CTNNA2: variants seen among roughly 807,000 people sequenced by gnomAD.
CTNNA2 encodes the protein catenin alpha-2.
CTNNA2 carries 42 observed loss-of-function variants against 101.0 expected under a neutral mutation model. The observed-to-expected ratio is 0.42, with a 90% CI of 0.32 to 0.54. The LOEUF (loss-of-function observed/expected upper bound fraction) is 0.54. CTNNA2 is among the 20% of genes least tolerant of loss of function. CTNNA2 has a pLI of 0.14. For missense variants in CTNNA2, 871 were observed against 1,223.1 expected (o/e 0.71, Z 4.29); for synonymous variants, 450 against 456.4 (o/e 0.99, Z 0.18).
intron 3 of CTNNA2, among the ~76,000 whole-genome samples, chr2:79,761,430 A>C (rs1672781536): frequency 6.6e-6 from 1 of 152,196 alleles, no homozygotes. Flanking sequence ...ATATTATTGA[A>C]ATATTTTTAG....
chr2:80,588,456 C>A lies in CTNNA2; in HGVS notation c.2008-848C>A, dbSNP rs190597594. Among the ~76,000 whole-genome samples, 367 of 152,274 alleles carry A rather than the reference C, an allele frequency of 2.4e-3. 8 individuals carry two copies. Among genetic ancestry groups the A allele is most frequent in the East Asian group, 2.7e-3 (14 of 5,180 alleles). The stretch of plus-strand genomic sequence containing the variant: ...CACGCAACTCAATTTTTTTGCTGCT[C>A]TGCCCACATTTGCAAATGACCACGA... On this transcript the variant is annotated intron_variant, in intron 14 of 18. Coordinates refer to ENST00000402739, the MANE Select transcript of CTNNA2 (RefSeq NM_001282597.3).
intron 14 of CTNNA2, among the ~76,000 whole-genome samples, chr2:80,584,370 AT>A (rs1695792277): frequency 7.0e-6 from 1 of 142,060 alleles, no homozygotes; most frequent in African/African-American, 2.6e-5. Context: ...TATTTCAAAA[AT>A]GTCCTTTATA....
chr2:79,617,969 G>A (rs750040209), intron 1 of CTNNA2, among the ~76,000 whole-genome samples: 9 of 152,268 alleles, frequency 5.9e-5, no homozygotes, highest in Non-Finnish European at 1.0e-4. Flanking sequence ...AACCAGAGAC[G>A]AAAACCTCCA....
At chr2:80,074,878 G>A (rs1475415373) in intron 7 of CTNNA2, among the ~76,000 whole-genome samples, 1 of 152,076 alleles carries the variant, frequency 6.6e-6, no homozygotes, top group African/African-American at 2.4e-5. Context: ...CAAGATCCTG[G>A]CTGAACCCTA....
chr2:80,040,721 T>C (rs972412912), intron 7 of CTNNA2, among the ~76,000 whole-genome samples: 6 of 152,188 alleles, frequency 3.9e-5, no homozygotes, highest in Non-Finnish European at 8.8e-5. Flanking sequence ...TGTGAATGGC[T>C]CTGTGCTTTT....
chr2:79,303,169 T>C (rs1052401339), intron 2 of CTNNA2, among the ~76,000 whole-genome samples: 24 of 152,084 alleles, frequency 1.6e-4, no homozygotes, highest in African/African-American at 5.8e-4. Context: ...ATCAACCTTG[T>C]CTCATCCTCA....
chr2:80,185,796 C>T (rs1199036703), intron 7 of CTNNA2, among the ~76,000 whole-genome samples: 1 of 152,202 alleles, frequency 6.6e-6, no homozygotes, highest in East Asian at 1.9e-4. Flanking sequence ...TTGCCATTGG[C>T]TGCAGAACCT....
chr2:80,116,145 C>A (rs986008041), intron 7 of CTNNA2, among the ~76,000 whole-genome samples: 1 of 151,748 alleles, frequency 6.6e-6, no homozygotes, highest in Non-Finnish European at 1.5e-5. Context: ...TCAGCAATAT[C>A]ATTATAGCAC....
chr2:80,521,033 G>A (rs1000181778), intron 9 of CTNNA2, among the ~76,000 whole-genome samples: 1 of 152,160 alleles, frequency 6.6e-6, no homozygotes, highest in Non-Finnish European at 1.5e-5. Flanking sequence ...AGGATGAGAT[G>A]CACTGGCCCT....
intron 2 of CTNNA2, among the ~76,000 whole-genome samples, chr2:79,738,056 G>A (rs1172224040): frequency 6.6e-6 from 1 of 152,214 alleles, no homozygotes. Context: ...CTTGGCCACT[G>A]CACTACCGCC....
intron 4 of CTNNA2, among the ~76,000 whole-genome samples, chr2:79,438,375 C>A (rs1294595431): frequency 6.6e-6 from 1 of 152,156 alleles, no homozygotes; most frequent in African/African-American, 2.4e-5. Flanking sequence ...TCTAGCCATC[C>A]CAGTTTGCCA....
intron 4 of CTNNA2, among the ~76,000 whole-genome samples, chr2:79,863,457 C>A (rs774628555): frequency 2.0e-5 from 3 of 152,074 alleles, no homozygotes; most frequent in Non-Finnish European, 2.9e-5. Context: ...TTCAATAAGT[C>A]GGAGTCTCAA....
intron 3 of CTNNA2, among the ~76,000 whole-genome samples, chr2:79,323,718 A>G (rs913944318): frequency 2.0e-5 from 3 of 152,174 alleles, no homozygotes; most frequent in African/African-American, 7.2e-5. Context: ...TGTAATATAC[A>G]ATAGGATTTT....
At chr2:79,798,090 A>T (rs1675862105) in intron 3 of CTNNA2, among the ~76,000 whole-genome samples, 1 of 152,082 alleles carries the variant, frequency 6.6e-6, no homozygotes, top group African/African-American at 2.4e-5. Flanking sequence ...CTTGTTAGGG[A>T]TTCATGTTCC....
intron 7 of CTNNA2, among the ~76,000 whole-genome samples, chr2:80,115,318 GACTATTTTAACAGACATGGTATAC>G (rs1211368974): frequency 1.3e-5 from 2 of 152,184 alleles, no homozygotes; most frequent in African/African-American, 4.8e-5. Flanking sequence ...TATGCTGTGA[GACTATTTTAACAGACATGGTATAC>G]ACTTATGATA....
chr2:79,628,342 G>T (rs1163174961), intron 1 of CTNNA2, among the ~76,000 whole-genome samples: 2 of 151,708 alleles, frequency 1.3e-5, no homozygotes, highest in African/African-American at 4.8e-5. Flanking sequence ...AATCCTAGCT[G>T]CTCAGGAGGC....
chr2:79,699,813 ACAC>A (rs1558850848), intron 2 of CTNNA2, among the ~76,000 whole-genome samples: 39 of 146,892 alleles, frequency 2.7e-4, no homozygotes, highest in East Asian at 8.0e-4. Context: ...ACACACACAC[ACAC>A]ACACACACAC....
rs753304504 is a variant in CTNNA2 at position 79,869,984 on chromosome 2, T to A, written c.585+49T>A. The stretch of plus-strand genomic sequence containing the variant: ...AGGGGAGAAAATGGGTGAGTTTAAA[T>A]AACCCTGTAGCTTTTTAGGCCTGAA... On this transcript the variant is annotated intron_variant, in intron 5 of 18. Coordinates refer to ENST00000402739, the MANE Select transcript of CTNNA2 (RefSeq NM_001282597.3). 5.0e-6 allele frequency: 8 copies of A among 1,602,924 alleles called. No individual in the cohort carries two copies. In the South Asian group the frequency reaches 5.6e-5, roughly 11 times the overall value.
At chr2:79,667,969 G>T (rs188096988) in intron 2 of CTNNA2, among the ~76,000 whole-genome samples, 1 of 151,040 alleles carries the variant, frequency 6.6e-6, no homozygotes, top group African/African-American at 2.4e-5. Flanking sequence ...GGCCGGGCGC[G>T]GTGGCTCACG....
Sources: allele counts gnomAD v4.1 joint callset (sites outside exome capture counted in the v4.1 genomes callset), GRCh38; gene constraint gnomAD v4.1.1; transcripts MANE v1.5; gene names NCBI Gene and HGNC (gene_info 2026-07-23, HGNC 2026-07-21).